IQSEC1: variants seen among roughly 807,000 people sequenced by gnomAD.
IQSEC1 encodes the protein IQ motif and Sec7 domain ArfGEF 1, also known as IQ motif and SEC7 domain-containing protein 1.
IQSEC1 carries 31 observed loss-of-function variants against 91.0 expected under a neutral mutation model. The ratio of observed to expected loss-of-function variants is 0.34; its 90% CI spans 0.26 to 0.46. The LOEUF is 0.46. Ranked by LOEUF, IQSEC1 falls within the 20% of genes least tolerant of loss-of-function variation. IQSEC1 has a pLI of 1.00. For missense variants in IQSEC1, 1,388 were observed against 1,575.6 expected (o/e 0.88, Z 2.02); for synonymous variants, 699 against 662.6 (o/e 1.05, Z -0.84).
In IQSEC1 at chr3:13,230,758, G is replaced by A. The variant is rs980017509; in HGVS notation, c.272+51953C>T. Among the ~76,000 whole-genome samples, 6 of 152,326 alleles carry A rather than the reference G, an allele frequency of 3.9e-5. 1 individual carries two copies. In the South Asian group the frequency reaches 1.2e-3, roughly 32 times the overall value. On this transcript the variant is annotated intron_variant, in intron 1 of 15. Coordinates refer to the IQSEC1 transcript ENST00000648114. ...ACAGTTTTGGCACCCTTAACTATAA[G>A]AAAGATTTCCTTAACTATAATTTTT...
chr3:12,959,743 T>C (rs1455087710), intron 1 of IQSEC1, among the ~76,000 whole-genome samples: 1 of 152,194 alleles, frequency 6.6e-6, no homozygotes, highest in Non-Finnish European at 1.5e-5. Flanking sequence ...ACGTCTGGGA[T>C]TAAAACTAAT....
intron 2 of IQSEC1, among the ~76,000 whole-genome samples, chr3:13,115,989 C>T (rs926866290): frequency 2.0e-5 from 3 of 152,198 alleles, no homozygotes; most frequent in Non-Finnish European, 4.4e-5. Context: ...CAATTCCCTG[C>T]AATTACGCCC....
At chr3:13,148,591 C>T (rs1454740384) in intron 2 of IQSEC1, among the ~76,000 whole-genome samples, 4 of 152,238 alleles carry the variant, frequency 2.6e-5, no homozygotes, top group Non-Finnish European at 5.9e-5. Context: ...ATTTGGCCTC[C>T]TGGGTGACAT....
chr3:13,252,590 T>A (rs1695213100), intron 1 of IQSEC1, among the ~76,000 whole-genome samples: 1 of 152,072 alleles, frequency 6.6e-6, no homozygotes, highest in Non-Finnish European at 1.5e-5. Flanking sequence ...CAATGGTGAG[T>A]CTATGTTTAA....
intron 1 of IQSEC1, among the ~76,000 whole-genome samples, chr3:13,013,118 G>A (rs1436226236): frequency 2.0e-5 from 3 of 151,910 alleles, no homozygotes; most frequent in Admixed American, 6.6e-5. Context: ...GCGCCACCAC[G>A]CCCGGCTAAT....
At position 13,206,774 on chromosome 3, in the gene IQSEC1, G is replaced by C. The variant is rs558048175; in HGVS notation, c.273-42641C>G. On this transcript the variant is annotated intron_variant, in intron 1 of 15. Coordinates refer to the IQSEC1 transcript ENST00000648114. Reference sequence around the variant, plus strand: ...GACGCAGCTTACAGACACTAAGCTGGTGAGTGCACATCTTGGTATTTATTT... The same window carrying C: ...GACGCAGCTTACAGACACTAAGCTGCTGAGTGCACATCTTGGTATTTATTT... Among the ~76,000 whole-genome samples, 7 of 152,280 alleles carry C rather than the reference G, an allele frequency of 4.6e-5. No homozygotes were observed. In the South Asian group the frequency reaches 1.0e-3, roughly 23 times the overall value.
In IQSEC1 at chr3:13,191,696, G is replaced by A. The variant is rs114825726; in HGVS notation, c.273-27563C>T. 2.5e-3 allele frequency among the ~76,000 whole-genome samples: 378 copies of A among 152,204 alleles called. 1 individual carries two copies. The highest frequency in any genetic ancestry group is 8.4e-3 in the African/African-American group (348 of 41,522). Reference sequence around the variant, plus strand: ...CTTAGATAAGAAAGAAACTTTTAAAGACATGTCCTGGGTTGTCTTTTGGGG... The same window carrying A: ...CTTAGATAAGAAAGAAACTTTTAAAAACATGTCCTGGGTTGTCTTTTGGGG... On this transcript the variant is annotated intron_variant, in intron 1 of 15. Coordinates refer to the IQSEC1 transcript ENST00000648114.
At chr3:13,055,701 C>T (rs1370292303) in intron 1 of IQSEC1, among the ~76,000 whole-genome samples, 1 of 152,216 alleles carries the variant, frequency 6.6e-6, no homozygotes, top group African/African-American at 2.4e-5. Context: ...AAGCAGGGGG[C>T]TGCCCCCACT....
chr3:12,922,003 G>T lies in IQSEC1; in HGVS notation c.1853+117C>A. The stretch of plus-strand genomic sequence containing the variant: ...GATCACCCCCAAAGCAACATTCAGG[G>T]ACACCTGGCCCTGTCTAGGGATGGT... On this transcript the variant is annotated intron_variant, in intron 5 of 13. Coordinates refer to ENST00000613206, the MANE Select transcript of IQSEC1 (RefSeq NM_001134382.3). This position sits in a 1 kb window ranked among gnomAD's most constrained non-coding sequence, Gnocchi z 5.1. The T allele has an allele frequency of 7.9e-7, 1 of 1,272,544 alleles. No homozygotes were observed. Among genetic ancestry groups the T allele is most frequent in the Non-Finnish European group, 1.0e-6 (1 of 958,218 alleles). The allele number at this position is 1,272,544 out of a possible 1,614,324, so 78.8% of individuals were successfully genotyped here.
chr3:13,155,347 T>C (rs1339553201), intron 2 of IQSEC1, among the ~76,000 whole-genome samples: 1 of 152,208 alleles, frequency 6.6e-6, no homozygotes, highest in Non-Finnish European at 1.5e-5. Flanking sequence ...GAGAGTCCTG[T>C]AAGTAATTGT....
intron 1 of IQSEC1, among the ~76,000 whole-genome samples, chr3:13,045,592 C>T (rs187680035): frequency 7.2e-5 from 11 of 152,320 alleles, no homozygotes; most frequent in Non-Finnish European, 1.3e-4. Flanking sequence ...GGCAGGAGCA[C>T]GGAACCTGCT....
At chr3:13,097,112 G>A (rs1411371271) in intron 2 of IQSEC1, among the ~76,000 whole-genome samples, 2 of 151,986 alleles carry the variant, frequency 1.3e-5, no homozygotes, top group Non-Finnish European at 2.9e-5. Flanking sequence ...CGCCCACCTC[G>A]GCCTCCCAAA....
At chr3:13,048,987 A>G (rs536498445) in intron 1 of IQSEC1, among the ~76,000 whole-genome samples, 1 of 152,182 alleles carries the variant, frequency 6.6e-6, no homozygotes, top group Non-Finnish European at 1.5e-5. Context: ...AGAAGACATG[A>G]GGGGTGGTGC....
At chr3:12,932,243 T>G (rs1324642930) in intron 3 of IQSEC1, among the ~76,000 whole-genome samples, 1 of 152,230 alleles carries the variant, frequency 6.6e-6, no homozygotes, top group East Asian at 1.9e-4. Context: ...CTCCATGTGC[T>G]GCAGGGCTGC....
rs563488832 is a variant in IQSEC1 at position 13,138,901 on chromosome 3, C to T, written c.302+25203G>A. Among the ~76,000 whole-genome samples the T allele has an allele frequency of 2.0e-5, 3 of 152,092 alleles. No homozygotes were observed. In the East Asian group the frequency reaches 5.8e-4, roughly 29 times the overall value. ...CTTCCTTTCTGGTAGGAAGCAACTG[C>T]CCCCTCCAGATGTTCATGGCACAGA... On this transcript the variant is annotated intron_variant, in intron 2 of 15. Transcript: ENST00000648114.
chr3:12,960,773 A>G (rs1226694859), intron 1 of IQSEC1: 1 of 152,212 alleles, frequency 6.6e-6, no homozygotes, highest in East Asian at 1.9e-4. Flanking sequence ...CCCCAGTCTC[A>G]ATCTTGTGCC....
In IQSEC1 at chr3:12,900,461, ATATATATTTATATATT is replaced by A. The variant is rs749858779; in HGVS notation, c.*506_*521del. Reference sequence around the variant, plus strand: ...AGTACTACCTATACAGTATATATATATATATATTTATATATTTATATATTTATATAAAGTTTACTTA... The same window carrying A: ...AGTACTACCTATACAGTATATATATATATATATTTATATAAAGTTTACTTA... On this transcript the variant is annotated 3_prime_UTR_variant, in exon 14 of 14. Coordinates refer to ENST00000613206, the MANE Select transcript of IQSEC1 (RefSeq NM_001134382.3). 101 of 707,136 alleles carry A rather than the reference ATATATATTTATATATT, an allele frequency of 1.4e-4. 1 individual carries two copies. The highest frequency in any genetic ancestry group is 1.7e-4 in the Non-Finnish European group (96 of 578,914). The allele number at this position is 707,136 out of a possible 1,614,324, so 43.8% of individuals were successfully genotyped here.
intron 1 of IQSEC1, among the ~76,000 whole-genome samples, chr3:13,172,902 A>G (rs1268387646): frequency 6.6e-6 from 1 of 152,154 alleles, no homozygotes. Context: ...GTAACTGCCC[A>G]TCTCGCAGGG....
chr3:13,059,828 CTCTGGTCACTCTG>C (rs1705003581), intron 1 of IQSEC1, among the ~76,000 whole-genome samples: 4 of 152,204 alleles, frequency 2.6e-5, no homozygotes, highest in African/African-American at 9.6e-5. Context: ...CAGTGTGGGT[CTCTGGTCACTCTG>C]TTGGTCCAGG....
Sources: gnomAD v4.1 joint callset for allele counts (sites outside exome capture counted in the v4.1 genomes callset) on GRCh38, gnomAD v4.1.1 for gene constraint, Gnocchi (gnomAD v3.1) non-coding constraint, MANE v1.5 for transcripts, NCBI Gene and HGNC (gene_info 2026-07-23, HGNC 2026-07-21) for gene names.